The following RREB1 variants were observed in gnomAD, a reference collection of about 807,000 sequenced individuals.
The protein encoded by RREB1 is ras responsive element binding protein 1, also known as ras-responsive element-binding protein 1.
A neutral mutation model predicts 117.8 loss-of-function variants in RREB1; 27 were observed. That is an observed-to-expected ratio of 0.23 (90% CI 0.17 to 0.32). The LOEUF is 0.32. RREB1 is among the 10% of genes least tolerant of loss of function. The pLI is 1.00. For synonymous variants in RREB1, 1,298 were observed against 1,026.7 expected, an observed-to-expected ratio of 1.26 and a Z score of -5.05; for missense variants, 2,577 against 2,378.2, an observed-to-expected ratio of 1.08 and a Z score of -1.74.
chr6:7,199,069 T>C (rs1236518359), intron 6 of RREB1, among the ~76,000 whole-genome samples: 3 of 152,242 alleles, frequency 2.0e-5, no homozygotes, highest in African/African-American at 7.2e-5. Flanking sequence ...TTACATCTCG[T>C]TGGCTGGATT....
chr6:7,182,005 G>C lies in RREB1; in HGVS notation c.94G>C (p.Glu32Gln). Reference protein sequence around the residue: ...SAVMSVGKVTENGGSPQGIKS... With the variant: ...SAVMSVGKVTQNGGSPQGIKS... ...GGTCATGAGTGTAGGGAAGGTCACA[G>C]AGAATGGCGGGAGCCCCCAGGGGAT... The change falls in exon 4 of 13, where the codon GAG becomes CAG. Residue 32 changes from glutamate to glutamine, a missense_variant. Glu to Gln is a conservative substitution (Grantham distance 29). Transcript: ENST00000379938. 6.2e-7 allele frequency: 1 copy of C among 1,614,082 alleles called. No individual in the cohort carries two copies. Among genetic ancestry groups the C allele is most frequent in the Non-Finnish European group, 8.5e-7 (1 of 1,179,986 alleles).
At chr6:7,248,254 G>C (rs549764490) in intron 12 of RREB1, among the ~76,000 whole-genome samples, 4 of 152,336 alleles carry the variant, frequency 2.6e-5, no homozygotes, top group Middle Eastern at 3.4e-3. Context: ...CTGGGACCTG[G>C]GTTTTCTGGA....
At chr6:7,190,846 G>T (rs979510369) in intron 6 of RREB1, among the ~76,000 whole-genome samples, 4 of 152,140 alleles carry the variant, frequency 2.6e-5, no homozygotes, top group African/African-American at 9.7e-5. Flanking sequence ...GGTATTGCCT[G>T]TTCCCCTCTT....
intron 6 of RREB1, among the ~76,000 whole-genome samples, chr6:7,205,098 A>G (rs1191982265): frequency 6.6e-6 from 1 of 152,214 alleles, no homozygotes; most frequent in Admixed American, 6.5e-5. Flanking sequence ...CAAATGGTTG[A>G]CCGAACCTGC....
chr6:7,249,101 G>GAGAGAGAGAGACAGAGAGAGAGACAGAC lies in RREB1; in HGVS notation c.*136_*137insGAGAGAGACAGAGAGAGAGACAGACAGA, dbSNP rs1561812153. 1 of 591,898 alleles carries GAGAGAGAGAGACAGAGAGAGAGACAGAC rather than the reference G, an allele frequency of 1.7e-6. No homozygotes were observed. The highest frequency in any genetic ancestry group is 2.1e-5 in the African/African-American group (1 of 48,608). 36.7% of individuals were successfully genotyped at this position (591,898 alleles called of 1,614,324 possible). ...AGAGAGAGAGAGAGAGAGAGAGAGA[G>GAGAGAGAGAGACAGAGAGAGAGACAGAC]AGACAAGCAGGAGCGTGGCTGCTCG... On this transcript the variant is annotated 3_prime_UTR_variant, in exon 13 of 13. Coordinates refer to ENST00000379938, the MANE Select transcript of RREB1 (RefSeq NM_001003699.4).
chr6:7,223,880 C>T (rs1767431011), intron 8 of RREB1, among the ~76,000 whole-genome samples: 2 of 152,130 alleles, frequency 1.3e-5, no homozygotes, highest in African/African-American at 4.8e-5. Context: ...AAAGTCTCTT[C>T]CCAACCTGTT....
At chr6:7,218,652 TA>T (rs1767050970) in intron 8 of RREB1, 2 of 152,156 alleles carry the variant, frequency 1.3e-5, no homozygotes, top group Admixed American at 6.5e-5. Flanking sequence ...TTAACAGTGA[TA>T]GTTATTCCTG....
chr6:7,188,186 A>C (rs1472302210), intron 5 of RREB1, among the ~76,000 whole-genome samples: 1 of 151,720 alleles, frequency 6.6e-6, no homozygotes, highest in Non-Finnish European at 1.5e-5. Context: ...TAAATCTCAA[A>C]ATAAATAAAT....
At chr6:7,212,845 T>C (rs916126361) in intron 8 of RREB1, 1 of 152,222 alleles carries the variant, frequency 6.6e-6, no homozygotes, top group Non-Finnish European at 1.5e-5. Context: ...AGTAACTTGA[T>C]GCCAGGTCAA....
chr6:7,231,941 C>G (rs778827792), intron 10 of RREB1, 34 bp downstream of exon 10: 1 of 1,542,628 alleles, frequency 6.5e-7, no homozygotes, highest in Non-Finnish European at 8.8e-7. Flanking sequence ...GGCAGTGAGT[C>G]CTACTTCCTG....
chr6:7,125,820 G>A (rs1050002718), intron 1 of RREB1, among the ~76,000 whole-genome samples: 4 of 152,060 alleles, frequency 2.6e-5, no homozygotes. Flanking sequence ...AGGGCAATGA[G>A]AGGAGGCTGT....
In RREB1 at chr6:7,247,007, G is replaced by A. The variant is rs779416700; in HGVS notation, c.4557G>A (p.Ala1519=). The part of the protein sequence containing the change: ...ESAPGAGEAP[A]EKLAEETEGP... ...CCCCGGGTGCCGGGGAGGCCCCGGC[G>A]GAAAAGCTCGCGGAGGAGACGGAGG... The change falls in exon 12 of 13, where the codon GCG becomes GCA. Residue 1519 remains alanine, a synonymous_variant. Transcript: ENST00000379938. 34 of 1,606,314 alleles carry A rather than the reference G, an allele frequency of 2.1e-5. No individual in the cohort carries two copies. Among genetic ancestry groups the A allele is most frequent in the Admixed American group, 1.7e-5 (1 of 59,202 alleles).
In RREB1 at chr6:7,246,656, C is replaced by G. The variant is rs1305818244; in HGVS notation, c.4206C>G (p.Asp1402Glu). Reference sequence around the variant, plus strand: ...ATGGCACTGAGGAGAGCACTGGGGACGCCGACGGCGCGGAAGAGGACGCGT... The same window carrying G: ...ATGGCACTGAGGAGAGCACTGGGGAGGCCGACGGCGCGGAAGAGGACGCGT... Reference protein sequence around the residue: ...EEHGTEESTGDADGAEEDASS... With the variant: ...EEHGTEESTGEADGAEEDASS... The change falls in exon 12 of 13, where the codon GAC becomes GAG. Residue 1402 changes from aspartate to glutamate, a missense_variant. Coordinates refer to ENST00000379938, the MANE Select transcript of RREB1 (RefSeq NM_001003699.4). The G allele has an allele frequency of 6.3e-7, 1 of 1,575,624 alleles. No individual in the cohort carries two copies.
In RREB1 at chr6:7,131,083, C is replaced by T. The variant is rs897079339; in HGVS notation, c.-285+23023C>T. Among the ~76,000 whole-genome samples, 9 of 151,566 alleles carry T rather than the reference C, an allele frequency of 5.9e-5. No individual in the cohort carries two copies. The South Asian group carries it at 6.3e-4, about 11-fold the overall frequency. On this transcript the variant is annotated intron_variant, in intron 1 of 12. Transcript: ENST00000379938. ...CCTCCGGAGTAGGTGGGACTACAGG[C>T]GCCCGCCACTGCGCCCGGCTAATTT...
intron 8 of RREB1, chr6:7,218,817 ACTTT>A (rs1460145032): frequency 1.5e-5 from 2 of 137,368 alleles, no homozygotes; most frequent in Non-Finnish European, 3.1e-5. Flanking sequence ...GAATTGTGCA[ACTTT>A]CTTTAAAAAA....
rs1448672474 is a variant in RREB1 at position 7,250,660 on chromosome 6, GCTC to G, written c.*1698_*1700del. The G allele has an allele frequency of 6.6e-6, 1 of 152,018 alleles. No homozygotes were observed. The highest frequency in any genetic ancestry group is 2.4e-5 in the African/African-American group (1 of 41,366). The allele number at this position is 152,018 out of a possible 1,614,324, so 9.4% of individuals were successfully genotyped here. ...TCCCCTGGCCTTTTCTGGCCCCAGTGCTCCTCCTTTACATAGACTTGTTCACAC... is the reference window on the plus strand; with the variant it reads ...TCCCCTGGCCTTTTCTGGCCCCAGTGCTCCTTTACATAGACTTGTTCACAC... On this transcript the variant is annotated 3_prime_UTR_variant, in exon 13 of 13. Transcript: ENST00000379938.
At chr6:7,135,146 A>G (rs1762298271) in intron 1 of RREB1, among the ~76,000 whole-genome samples, 1 of 152,198 alleles carries the variant, frequency 6.6e-6, no homozygotes. Flanking sequence ...CCCAACCTTG[A>G]TTATGATTAA....
chr6:7,199,462 G>A (rs949721586), intron 6 of RREB1, among the ~76,000 whole-genome samples: 2 of 152,088 alleles, frequency 1.3e-5, no homozygotes, highest in African/African-American at 2.4e-5. Context: ...TAACAATTGG[G>A]GCAACGTAGA....
intron 1 of RREB1, among the ~76,000 whole-genome samples, chr6:7,168,526 C>T (rs1417705788): frequency 6.6e-6 from 1 of 152,158 alleles, no homozygotes; most frequent in Non-Finnish European, 1.5e-5. Flanking sequence ...CTCCTGGGGA[C>T]AGCGAGCTCA....
Sources: gnomAD v4.1 joint callset for allele counts (sites outside exome capture counted in the v4.1 genomes callset) on GRCh38, gnomAD v4.1.1 for gene constraint, MANE v1.5 for transcripts, NCBI Gene and HGNC (gene_info 2026-07-23, HGNC 2026-07-21) for gene names.